Variants in ACOXL observed in about 807,000 individuals in gnomAD.
ACOXL encodes the protein acyl-coenzyme A oxidase-like protein.
Under a neutral mutation model 71.9 loss-of-function variants are expected in ACOXL, and 70 were observed. The ratio of observed to expected loss-of-function variants is 0.97; its 90% confidence interval spans 0.80 to 1.19. The LOEUF (loss-of-function observed/expected upper bound fraction) is 1.19, where lower values mean the gene tolerates loss of function less well. ACOXL is among the 50% of genes most tolerant of loss of function. The pLI is 0.00. For synonymous variants in ACOXL, 253 were observed against 281.6 expected (o/e 0.90, Z 1.02); for missense variants, 703 against 736.3 (o/e 0.95, Z 0.52).
chr2:111,030,869 G>C (rs2065234486), intron 14 of ACOXL, among the ~76,000 whole-genome samples: 1 of 152,180 alleles, frequency 6.6e-6, no homozygotes, highest in African/African-American at 2.4e-5. Context: ...GAGACCTTCA[G>C]CTCCTCCTAA....
At chr2:111,055,704 G>C (rs953137340) in intron 16 of ACOXL, among the ~76,000 whole-genome samples, 2 of 152,360 alleles carry the variant, frequency 1.3e-5, no homozygotes, top group Admixed American at 1.3e-4. Flanking sequence ...TGGAAAAAAG[G>C]GGATTCTTTT....
intron 15 of ACOXL, among the ~76,000 whole-genome samples, chr2:111,044,185 G>T (rs1393537926): frequency 6.6e-6 from 1 of 152,198 alleles, no homozygotes; most frequent in African/African-American, 2.4e-5. Flanking sequence ...CTCTCTCATT[G>T]CACCTCCAGG....
intron 11 of ACOXL, 95 bp from the exon 12 acceptor site, chr2:110,933,394 T>A: frequency 1.4e-6 from 2 of 1,405,142 alleles, no homozygotes; most frequent in Non-Finnish European, 1.9e-6. Context: ...TATTCTTTCC[T>A]CAAATAGCGT....
intron 12 of ACOXL, among the ~76,000 whole-genome samples, chr2:110,952,105 A>C (rs2061352184): frequency 1.3e-5 from 2 of 152,250 alleles, no homozygotes; most frequent in African/African-American, 2.4e-5. Flanking sequence ...AAGGCTAAAC[A>C]GACCTTGTGG....
intron 11 of ACOXL, among the ~76,000 whole-genome samples, chr2:110,913,794 C>A (rs971301178): frequency 1.3e-5 from 2 of 152,160 alleles, no homozygotes; most frequent in African/African-American, 4.8e-5. Context: ...GGAGGAGGCA[C>A]ATCACATGGC....
intron 8 of ACOXL, among the ~76,000 whole-genome samples, chr2:110,802,122 A>G (rs953071379): frequency 6.6e-6 from 1 of 152,258 alleles, no homozygotes; most frequent in African/African-American, 2.4e-5. Context: ...CACATGCATT[A>G]TCATCTTTAA....
intron 3 of ACOXL, among the ~76,000 whole-genome samples, chr2:110,792,710 G>T (rs1006473457): frequency 1.9e-4 from 29 of 152,256 alleles, no homozygotes; most frequent in Non-Finnish European, 3.5e-4. Context: ...AAGGCAGGAG[G>T]ATCGCTTGAG....
At chr2:110,873,541 C>T (rs533108264) in intron 10 of ACOXL, among the ~76,000 whole-genome samples, 1 of 152,270 alleles carries the variant, frequency 6.6e-6, no homozygotes, top group African/African-American at 2.4e-5. Context: ...TTATTCCTGT[C>T]TCTCTTTTGG....
intron 1 of ACOXL, among the ~76,000 whole-genome samples, chr2:110,742,861 G>A (rs1033499626): frequency 1.3e-5 from 2 of 152,188 alleles, no homozygotes; most frequent in African/African-American, 4.8e-5. Context: ...GATCCCAAAA[G>A]CATAGGCGAT....
intron 12 of ACOXL, among the ~76,000 whole-genome samples, chr2:110,965,756 G>T (rs1359665024): frequency 6.6e-6 from 1 of 152,210 alleles, no homozygotes; most frequent in Non-Finnish European, 1.5e-5. Flanking sequence ...AGCATGGGAA[G>T]AGAAGACCCT....
At chr2:111,093,243 A>T (rs1233231024) in intron 17 of ACOXL, among the ~76,000 whole-genome samples, 1 of 151,870 alleles carries the variant, frequency 6.6e-6, no homozygotes, top group Non-Finnish European at 1.5e-5. Flanking sequence ...AAAAAAAAAA[A>T]AGTGTTAGTG....
At chr2:110,760,247 C>T (rs1175967032) in intron 1 of ACOXL, among the ~76,000 whole-genome samples, 1 of 151,708 alleles carries the variant, frequency 6.6e-6, no homozygotes, top group Non-Finnish European at 1.5e-5. Context: ...TCACGCCATT[C>T]TCCTGCCTCA....
chr2:111,012,590 T>C (rs1054589265), intron 14 of ACOXL, among the ~76,000 whole-genome samples: 3 of 152,200 alleles, frequency 2.0e-5, no homozygotes, highest in African/African-American at 7.2e-5. Context: ...ATTAAAGTAA[T>C]GCAGAGTGTA....
chr2:110,969,586 A>C (rs1355931715), intron 12 of ACOXL, among the ~76,000 whole-genome samples: 5 of 152,150 alleles, frequency 3.3e-5, no homozygotes, highest in Non-Finnish European at 1.5e-5. Context: ...CGAGGTGGGC[A>C]GCTTACCTGA....
chr2:110,869,157 T>TCACACAGCTAGGAGATGGTAAGAC (rs1694965123), intron 10 of ACOXL, among the ~76,000 whole-genome samples: 1 of 152,046 alleles, frequency 6.6e-6, no homozygotes, highest in African/African-American at 2.4e-5. Flanking sequence ...ACATGGCCGA[T>TCACACAGCTAGGAGATGGTAAGAC]GTCACACAGC....
chr2:111,090,610 A>G (rs1169397329), intron 16 of ACOXL, among the ~76,000 whole-genome samples: 1 of 152,236 alleles, frequency 6.6e-6, no homozygotes, highest in Non-Finnish European at 1.5e-5. Context: ...TCTCAAGTCC[A>G]AAGAAGGGAA....
At chr2:110,841,796 T>G (rs1489380924) in intron 10 of ACOXL, among the ~76,000 whole-genome samples, 1 of 152,160 alleles carries the variant, frequency 6.6e-6, no homozygotes, top group Admixed American at 6.5e-5. Context: ...CCACCTTCCA[T>G]GCCAGGCCTC....
chr2:110,999,408 T>C (rs986561895), intron 14 of ACOXL, among the ~76,000 whole-genome samples: 1 of 152,096 alleles, frequency 6.6e-6, no homozygotes, highest in East Asian at 1.9e-4. Context: ...AGAGACATAA[T>C]CCAGCCACTA....
chr2:110,906,569 C>T (rs1157672911), intron 10 of ACOXL, among the ~76,000 whole-genome samples: 14 of 136,236 alleles, frequency 1.0e-4, no homozygotes, highest in Admixed American at 2.3e-4. Flanking sequence ...GTATTATTAT[C>T]GTACTTATTT....
Sources: allele counts gnomAD v4.1 joint callset (sites outside exome capture counted in the v4.1 genomes callset), GRCh38; gene constraint gnomAD v4.1.1; transcripts MANE v1.5; gene names NCBI Gene and HGNC (gene_info 2026-07-23, HGNC 2026-07-21).